Variants in SLC35F2 observed in about 807,000 individuals in gnomAD.
The protein encoded by SLC35F2 is solute carrier family 35 member F2.
Under a neutral mutation model 38.1 loss-of-function variants are expected in SLC35F2, and 25 were observed. The observed-to-expected ratio is 0.66, with a 90% CI of 0.48 to 0.92. SLC35F2 has a LOEUF of 0.92. Among genes scored for constraint, SLC35F2 ranks in the 40% least tolerant of loss-of-function variants. SLC35F2 has a pLI of 0.00. For missense variants in SLC35F2, 409 were observed against 452.9 expected (o/e 0.90, Z 0.88); for synonymous variants, 173 against 181.7 (o/e 0.95, Z 0.38).
In SLC35F2 at chr11:107,802,983, C is replaced by G. The variant is rs17107481; in HGVS notation, c.939+18G>C. On this transcript the variant is annotated intron_variant, in intron 7 of 7. Transcript: ENST00000525815. ...ATCCAAGCAAGTATTCTTATTTGAA[C>G]GTGATCTATTTGTTTACCTTATAGC... 1.4e-5 allele frequency: 23 copies of G among 1,587,738 alleles called. No homozygotes were observed. The highest frequency in any genetic ancestry group is 1.9e-5 in the Non-Finnish European group (22 of 1,170,334).
At chr11:107,810,050 G>T (rs1859459032) in intron 3 of SLC35F2, 3 of 985,276 alleles carry the variant, frequency 3.0e-6, no homozygotes, top group Admixed American at 6.2e-5. Context: ...TAAGAAGAAG[G>T]TTCAAAGACC....
At chr11:107,836,938 T>C (rs759349205) in intron 1 of SLC35F2, among the ~76,000 whole-genome samples, 1 of 152,126 alleles carries the variant, frequency 6.6e-6, no homozygotes, top group African/African-American at 2.4e-5. Flanking sequence ...AGTAACAAAA[T>C]AATCACATCA....
At chr11:107,809,830 C>G in intron 3 of SLC35F2, 1 of 985,148 alleles carries the variant, frequency 1.0e-6, no homozygotes, top group Non-Finnish European at 1.2e-6. Flanking sequence ...TTGAATTAAC[C>G]TTTGACAATG....
At chr11:107,818,375 G>A (rs966513742) in intron 1 of SLC35F2, among the ~76,000 whole-genome samples, 3 of 152,164 alleles carry the variant, frequency 2.0e-5, no homozygotes, top group African/African-American at 7.2e-5. Context: ...AGGTTAGAGT[G>A]AGCTGAGATC....
At chr11:107,832,483 G>C (rs1364438116) in intron 1 of SLC35F2, among the ~76,000 whole-genome samples, 1 of 152,086 alleles carries the variant, frequency 6.6e-6, no homozygotes, top group East Asian at 1.9e-4. Context: ...TTTTTATTCT[G>C]TACATACTAG....
chr11:107,853,500 T>C (rs901052353), intron 1 of SLC35F2, among the ~76,000 whole-genome samples: 152 of 151,588 alleles, frequency 1.0e-3, no homozygotes, highest in African/African-American at 3.5e-3. Context: ...GGGAGGATCA[T>C]GAGGTCAGGA....
intron 1 of SLC35F2, among the ~76,000 whole-genome samples, chr11:107,837,566 G>A (rs1859950074): frequency 6.7e-6 from 1 of 150,206 alleles, no homozygotes; most frequent in African/African-American, 2.5e-5. Context: ...TGGTTGCACA[G>A]ACCTGTAATC....
At chr11:107,818,181 C>T (rs974475227) in intron 1 of SLC35F2, among the ~76,000 whole-genome samples, 1 of 151,654 alleles carries the variant, frequency 6.6e-6, no homozygotes, top group African/African-American at 2.4e-5. Context: ...CCTGTAATCC[C>T]AACACTTTGG....
intron 3 of SLC35F2, among the ~76,000 whole-genome samples, chr11:107,807,283 A>AAAAAAAAAAAAAAAAT (rs1257619941): frequency 4.5e-5 from 4 of 89,882 alleles, no homozygotes; most frequent in African/African-American, 1.0e-4. Context: ...AAAAAAAAAA[A>AAAAAAAAAAAAAAAAT]AAACAACAAC....
At chr11:107,845,922 C>T (rs1211556861) in intron 1 of SLC35F2, among the ~76,000 whole-genome samples, 6 of 151,600 alleles carry the variant, frequency 4.0e-5, no homozygotes, top group Middle Eastern at 3.4e-3. Flanking sequence ...CGTTGCACTC[C>T]AGCCTGGGCG....
At position 107,803,057 on chromosome 11, in the gene SLC35F2, T is replaced by C. The variant is rs781305364; in HGVS notation, c.883A>G (p.Ile295Val). The change falls in exon 7 of 8, where the codon ATC (isoleucine) becomes GTC (valine). Residue 295 changes from isoleucine to valine, a missense_variant. Physicochemically the swap from Ile to Val is conservative, Grantham distance 29 (BLOSUM62 3). Transcript: ENST00000525815. ...VTSATSVNLG[I>V]LTADLYSLFV... ...AGGCTGTAGAGGTCCGCTGTCAGGA[T>C]GCCCAGGTTGACGGAAGTGGCACTA... The C allele has an allele frequency of 4.3e-6, 7 of 1,614,100 alleles. No individual in the cohort carries two copies. Among genetic ancestry groups the C allele is most frequent in the Non-Finnish European group, 5.1e-6 (6 of 1,179,998 alleles).
At chr11:107,845,019 T>C (rs4753820) in intron 1 of SLC35F2, among the ~76,000 whole-genome samples, 40,302 of 150,688 alleles carry the variant, frequency 0.27, 6,770 homozygotes, top group Admixed American at 0.44. Context: ...TAATTCACCC[T>C]GAGATCCCAG....
chr11:107,824,741 C>T (rs1019853196), intron 1 of SLC35F2, among the ~76,000 whole-genome samples: 1 of 152,172 alleles, frequency 6.6e-6, no homozygotes, highest in Non-Finnish European at 1.5e-5. Context: ...CACATCCACC[C>T]ACCTGAGGCA....
rs1016699853 is a variant in SLC35F2, at chr11:107,803,150, G to A, written c.790C>T (p.Leu264=). Reference sequence around the variant, plus strand: ...ATACACAGGGCAAATGCCACGAACAGCAGGGCTGTGGAAAAAAACATGGAA... The same window carrying A: ...ATACACAGGGCAAATGCCACGAACAACAGGGCTGTGGAAAAAAACATGGAA... ...SIHWDWKIAL[L]FVAFALCMFC... Residue 264 remains leucine (L), a synonymous_variant, in exon 7 of 8, where the codon CTG becomes TTG. Transcript: ENST00000525815. 3 of 1,599,370 alleles carry A rather than the reference G, an allele frequency of 1.9e-6. No individual in the cohort carries two copies. The African/African-American group carries it at 4.1e-5, about 22-fold the overall frequency.
chr11:107,852,834 C>CACTG lies in SLC35F2; in HGVS notation c.110+5820_110+5823dup, dbSNP rs1262331656. Among the ~76,000 whole-genome samples, 7 of 149,848 alleles carry CACTG rather than the reference C, an allele frequency of 4.7e-5. No homozygotes were observed. In the Admixed American group the frequency reaches 4.7e-4, roughly 10 times the overall value. On this transcript the variant is annotated intron_variant, in intron 1 of 7. Transcript: ENST00000525815. ...AGGCTACAGTGAGCTGAGATTGCAC[C>CACTG]ACTGCACTCCAGCCTGGGCAACAGA...
At chr11:107,807,066 A>T (rs1019303878) in intron 3 of SLC35F2, among the ~76,000 whole-genome samples, 190 bp from the exon 4 acceptor site, 4 of 152,088 alleles carry the variant, frequency 2.6e-5, no homozygotes, top group Admixed American at 2.0e-4. Context: ...TGAGACTGAA[A>T]TTACAATCCA....
At chr11:107,803,435 T>TG in intron 6 of SLC35F2, 2 of 984,958 alleles carry the variant, frequency 2.0e-6, no homozygotes, top group Non-Finnish European at 2.4e-6. Flanking sequence ...CCATTGCTCT[T>TG]AATCACCCCT....
intron 1 of SLC35F2, among the ~76,000 whole-genome samples, chr11:107,845,738 A>AGGC (rs1860095867): frequency 6.6e-6 from 1 of 151,984 alleles, no homozygotes; most frequent in African/African-American, 2.4e-5. Flanking sequence ...GGATCACTTC[A>AGGC]GGTCAGGAGT....
chr11:107,793,626 C>G (rs912077748), intron 7 of SLC35F2, among the ~76,000 whole-genome samples: 17 of 151,966 alleles, frequency 1.1e-4, no homozygotes, highest in Non-Finnish European at 7.4e-5. Flanking sequence ...TCTCTGTGGG[C>G]AAGTATTACA....
Sources: allele counts gnomAD v4.1 joint callset (sites outside exome capture counted in the v4.1 genomes callset), GRCh38; gene constraint gnomAD v4.1.1; transcripts MANE v1.5; gene names NCBI Gene and HGNC (gene_info 2026-07-23, HGNC 2026-07-21).